Variants in CDK14 observed in about 807,000 individuals in gnomAD.
The protein encoded by CDK14 is cyclin dependent kinase 14.
A neutral mutation model predicts 60.7 loss-of-function variants in CDK14; 34 were observed. The ratio of observed to expected loss-of-function variants is 0.56; its 90% CI spans 0.43 to 0.75. The LOEUF (loss-of-function observed/expected upper bound fraction) is 0.75. Among genes scored for constraint, CDK14 ranks in the 30% least tolerant of loss-of-function variants. The pLI, the probability that CDK14 is intolerant of heterozygous loss-of-function variation, is 0.00. For synonymous variants in CDK14, 197 were observed against 203.7 expected (o/e 0.97, Z 0.28); for missense variants, 482 against 564.1 (o/e 0.85, Z 1.47).
chr7:91,176,606 A>T (rs1349150418), intron 14 of CDK14, among the ~76,000 whole-genome samples: 3 of 152,198 alleles, frequency 2.0e-5, no homozygotes, highest in African/African-American at 7.2e-5. Context: ...AATAGACACA[A>T]TAAAAAATGA....
Position 90,659,837 on chromosome 7 carries a change from TTC to T in CDK14, c.123+55626_123+55627del, listed in dbSNP as rs58582287. On this transcript the variant is annotated intron_variant, in intron 2 of 14. Transcript: ENST00000380050. Reference sequence around the variant, plus strand: ...ATGGAATCCTGGAGCCAGGGAATGCTTCTCTCTCTCTCTCTCTCTCTCTCTCT... The same window carrying T: ...ATGGAATCCTGGAGCCAGGGAATGCTTCTCTCTCTCTCTCTCTCTCTCTCT... Among the ~76,000 whole-genome samples the T allele has an allele frequency of 7.0e-3, 773 of 110,362 alleles. 5 individuals carry two copies. The highest frequency in any genetic ancestry group is 0.021 in the Middle Eastern group (5 of 238). The allele number at this position is 110,362 out of a possible 152,430, so 72.4% of individuals were successfully genotyped here.
At chr7:90,704,779 C>T (rs1005946417) in intron 2 of CDK14, among the ~76,000 whole-genome samples, 9 of 152,036 alleles carry the variant, frequency 5.9e-5, no homozygotes, top group South Asian at 2.1e-4. Context: ...GGCTGTTAAA[C>T]ATTCAGTTTA....
At chr7:90,750,176 AC>A (rs1470070258) in intron 4 of CDK14, among the ~76,000 whole-genome samples, 1 of 151,488 alleles carries the variant, frequency 6.6e-6, no homozygotes, top group Non-Finnish European at 1.5e-5. Flanking sequence ...ACACACACAC[AC>A]ACACACACAC....
intron 6 of CDK14, among the ~76,000 whole-genome samples, chr7:90,898,524 TA>T (rs1792405289): frequency 6.6e-6 from 1 of 152,116 alleles, no homozygotes; most frequent in Non-Finnish European, 1.5e-5. Flanking sequence ...TTCAGTTTTA[TA>T]AATCTTATAG....
intron 14 of CDK14, among the ~76,000 whole-genome samples, chr7:91,153,509 A>G (rs975571440): frequency 2.0e-5 from 3 of 152,238 alleles, no homozygotes; most frequent in Admixed American, 2.0e-4. Context: ...GACTAAATAA[A>G]GAAAATATGG....
At position 91,039,664 on chromosome 7, in the gene CDK14, TGCTCTCTTTG is replaced by T. The variant is rs1004786050; in HGVS notation, c.1042-6231_1042-6222del. Reference sequence around the variant, plus strand: ...TTTTTAAGATTTCCATGCCAAAATTTGCTCTCTTTGGTCATTTCCATCTGTCCTTGGCCAC... The same window carrying T: ...TTTTTAAGATTTCCATGCCAAAATTTGTCATTTCCATCTGTCCTTGGCCAC... On this transcript the variant is annotated intron_variant, in intron 10 of 14. Transcript: ENST00000380050. Among the ~76,000 whole-genome samples, 16 of 152,216 alleles carry T rather than the reference TGCTCTCTTTG, an allele frequency of 1.1e-4. No individual in the cohort carries two copies. The South Asian group carries it at 3.1e-3, about 30-fold the overall frequency.
chr7:90,596,392 GC>G lies in CDK14; in HGVS notation c.-231del, dbSNP rs1019812300. 5 of 223,120 alleles carry G rather than the reference GC, an allele frequency of 2.2e-5. No homozygotes were observed. Among genetic ancestry groups the G allele is most frequent in the Non-Finnish European group, 3.5e-5 (4 of 114,812 alleles). The allele number at this position is 223,120 out of a possible 1,614,324, so 13.8% of individuals were successfully genotyped here. A position where few individuals can be genotyped will look rare whatever the true frequency, so the allele number is the denominator to read the frequency against. On this transcript the variant is annotated 5_prime_UTR_variant, in exon 1 of 15. The change abolishes the stop of an existing upstream ORF in the 5' untranslated region. Transcript: ENST00000380050. The stretch of plus-strand genomic sequence containing the variant: ...CACCACGGCGGCGGCGAGCGCGGCC[GC>G]CCCCGGCACCACGTAAACCGCCCCC...
rs137902172 is a variant in CDK14 at position 91,002,686 on chromosome 7, A to C, written c.1041+18445A>C. 2.0e-5 allele frequency among the ~76,000 whole-genome samples: 3 copies of C among 152,284 alleles called. No individual in the cohort carries two copies. In the East Asian group the frequency reaches 5.8e-4, roughly 29 times the overall value. On this transcript the variant is annotated intron_variant, in intron 10 of 14. Transcript: ENST00000380050. ...CAGTCTGGCCAAGGAGAAAGATAGG[A>C]GGCAGATAGTCATGACACCATGTGT...
At chr7:91,106,580 A>G (rs140561758) in intron 12 of CDK14, among the ~76,000 whole-genome samples, 1 of 152,332 alleles carries the variant, frequency 6.6e-6, no homozygotes, top group African/African-American at 2.4e-5. Flanking sequence ...AAATAGAAAT[A>G]AAATATTAGA....
At chr7:90,841,562 A>G (rs1358412330) in intron 5 of CDK14, among the ~76,000 whole-genome samples, 4 of 151,912 alleles carry the variant, frequency 2.6e-5, no homozygotes, top group Non-Finnish European at 4.4e-5. Flanking sequence ...TTAGTTGCCC[A>G]TAACAGAGCA....
At chr7:90,921,572 G>GAT (rs1793254003) in intron 8 of CDK14, among the ~76,000 whole-genome samples, 1 of 152,078 alleles carries the variant, frequency 6.6e-6, no homozygotes. Flanking sequence ...TTAGCACATA[G>GAT]ATATTCAGTA....
intron 1 of CDK14, among the ~76,000 whole-genome samples, chr7:90,603,807 A>C (rs1179257539): frequency 1.3e-5 from 2 of 152,194 alleles, no homozygotes; most frequent in African/African-American, 2.4e-5. Flanking sequence ...AATGTCATTC[A>C]GGGCTCTGTG....
At chr7:90,810,318 A>G (rs1293479506) in intron 5 of CDK14, among the ~76,000 whole-genome samples, 1 of 152,206 alleles carries the variant, frequency 6.6e-6, no homozygotes, top group East Asian at 1.9e-4. Context: ...GGTTCAACAT[A>G]TGCAAATCAA....
chr7:90,721,594 A>C lies in CDK14; in HGVS notation c.124-4973A>C, dbSNP rs115705198. On this transcript the variant is annotated intron_variant, in intron 2 of 14. Transcript: ENST00000380050. Reference sequence around the variant, plus strand: ...GCTGGATGTTTCCTGGCTCTTTCACACTTCCTGCACTGTGAACTGGAATCT... The same window carrying C: ...GCTGGATGTTTCCTGGCTCTTTCACCCTTCCTGCACTGTGAACTGGAATCT... Among the ~76,000 whole-genome samples the C allele has an allele frequency of 4.9e-3, 744 of 152,152 alleles. 3 individuals are homozygous for C. Among genetic ancestry groups the C allele is most frequent in the African/African-American group, 0.016 (672 of 41,504 alleles).
chr7:91,111,764 C>A (rs1304119813), intron 12 of CDK14, among the ~76,000 whole-genome samples: 1 of 152,156 alleles, frequency 6.6e-6, no homozygotes, highest in African/African-American at 2.4e-5. Context: ...CTTTTATTAT[C>A]ATTATTATAT....
chr7:91,001,351 C>T (rs1359770534), intron 10 of CDK14, among the ~76,000 whole-genome samples: 2 of 152,102 alleles, frequency 1.3e-5, no homozygotes, highest in African/African-American at 2.4e-5. Flanking sequence ...TTTAGTCCTG[C>T]TACTGACTCT....
intron 14 of CDK14, among the ~76,000 whole-genome samples, chr7:91,132,389 T>TA (rs372438277): frequency 5.4e-4 from 82 of 152,184 alleles, no homozygotes; most frequent in African/African-American, 1.9e-3. Context: ...GGCTGGGAGA[T>TA]ACGGAGTGAG....
chr7:91,108,124 A>G (rs1246219602), intron 12 of CDK14, among the ~76,000 whole-genome samples: 1 of 152,176 alleles, frequency 6.6e-6, no homozygotes, highest in East Asian at 1.9e-4. Context: ...CCTGGCCAAC[A>G]TGGTGAAACC....
chr7:91,100,390 G>A (rs960473590), intron 12 of CDK14, among the ~76,000 whole-genome samples: 2 of 152,156 alleles, frequency 1.3e-5, no homozygotes, highest in African/African-American at 4.8e-5. Context: ...ATGTAGTGAA[G>A]CAGTTACCTT....
Sources: allele counts gnomAD v4.1 joint callset (sites outside exome capture counted in the v4.1 genomes callset), GRCh38; gene constraint gnomAD v4.1.1; transcripts MANE v1.5; gene names NCBI Gene and HGNC (gene_info 2026-07-23, HGNC 2026-07-21).